The following EDA variants were observed in gnomAD, a reference collection of about 807,000 sequenced individuals.
EDA encodes the protein ectodysplasin-A.
Under a neutral mutation model 23.6 loss-of-function variants are expected in EDA, and 2 were observed. The observed-to-expected ratio is 0.08, with a 90% CI of 0.03 to 0.27. The LOEUF is 0.27. EDA is among the 10% of genes least tolerant of loss of function. EDA has a pLI of 1.00. For missense variants in EDA, 229 were observed against 324.2 expected (o/e 0.71, Z 2.26); for synonymous variants, 131 against 132.0 (o/e 0.99, Z 0.05).
In EDA at chrX:69,697,235, C is replaced by T. The variant is rs188410759; in HGVS notation, c.396+80531C>T. On this transcript the variant is annotated intron_variant, in intron 1 of 7. Coordinates refer to ENST00000374552, the MANE Select transcript of EDA (RefSeq NM_001399.5). ...GTGTCTCAGTCTGATGTAACTGCTA[C>T]GCGGTACCCTGACGGCCTCTCTCTC... 4.8e-3 allele frequency among the ~76,000 whole-genome samples: 531 copies of T among 111,617 alleles called. 5 individuals are homozygous for T. Among genetic ancestry groups the T allele is most frequent in the Middle Eastern group, 9.2e-3 (2 of 218 alleles).
chrX:69,823,858 T>C (rs1474129761), intron 1 of EDA, among the ~76,000 whole-genome samples: 5 of 89,734 alleles, frequency 5.6e-5, no homozygotes, highest in African/African-American at 2.2e-4. Flanking sequence ...TTAATCCATC[T>C]TGAATTGATT....
In EDA at chrX:69,982,521, T is replaced by G. The variant is rs368909184; in HGVS notation, c.502+25389T>G. On this transcript the variant is annotated intron_variant, in intron 2 of 7. Coordinates refer to ENST00000374552, the MANE Select transcript of EDA (RefSeq NM_001399.5). ...CTCTTCAAGTTTCCTTAGACTCTCT[T>G]TTACTATGGTTTATTCCCTAAATTA... 5.1e-3 allele frequency among the ~76,000 whole-genome samples: 571 copies of G among 111,751 alleles called. 1 individual carries two copies. The highest frequency in any genetic ancestry group is 0.018 in the Middle Eastern group (4 of 218).
chrX:70,035,310 CCT>C, intron 7 of EDA, 46 bp from the exon 8 acceptor site: 1 of 1,189,094 alleles, frequency 8.4e-7, no homozygotes, highest in East Asian at 3.0e-5. Context: ...GGCCCCCCAC[CCT>C]CTCTTTCCTC....
chrX:69,933,162 T>G (rs2018623683), intron 1 of EDA, among the ~76,000 whole-genome samples: 1 of 111,821 alleles, frequency 8.9e-6, no homozygotes, highest in Non-Finnish European at 1.9e-5. Context: ...ATTAACTATC[T>G]CTATAATTAA....
intron 2 of EDA, among the ~76,000 whole-genome samples, chrX:69,996,267 C>A (rs2147470960): frequency 8.9e-6 from 1 of 112,044 alleles, no homozygotes; most frequent in East Asian, 2.8e-4. Context: ...GAATGGCATC[C>A]TGTACTCTCT....
intron 2 of EDA, among the ~76,000 whole-genome samples, chrX:69,968,425 T>G (rs1218092793): frequency 8.9e-6 from 1 of 111,995 alleles, no homozygotes; most frequent in Non-Finnish European, 1.9e-5. Flanking sequence ...CTAGGTTTGC[T>G]GGCTTTCCTC....
chrX:69,798,059 A>G (rs2015584976), intron 1 of EDA, among the ~76,000 whole-genome samples: 1 of 111,736 alleles, frequency 8.9e-6, no homozygotes. Context: ...TAAGTCAAAA[A>G]CAGTAAAAAA....
At chrX:69,997,927 G>T (rs1476202429) in intron 2 of EDA, among the ~76,000 whole-genome samples, 1 of 112,634 alleles carries the variant, frequency 8.9e-6, no homozygotes, top group Non-Finnish European at 1.9e-5. Flanking sequence ...GAAGATGTAT[G>T]GAAATGCCTG....
chrX:69,881,789 A>G (rs1305593892), intron 1 of EDA, among the ~76,000 whole-genome samples: 1 of 111,915 alleles, frequency 8.9e-6, no homozygotes, highest in Non-Finnish European at 1.9e-5. Context: ...AGGCCTCAGG[A>G]AGCTTTTACT....
intron 1 of EDA, among the ~76,000 whole-genome samples, chrX:69,693,390 C>T (rs1177953746): frequency 1.8e-5 from 2 of 111,536 alleles, no homozygotes; most frequent in Non-Finnish European, 3.8e-5. Flanking sequence ...GACCTAATTA[C>T]ATACTATACT....
At chrX:69,988,147 A>G (rs1207191170) in intron 2 of EDA, among the ~76,000 whole-genome samples, 4 of 112,111 alleles carry the variant, frequency 3.6e-5, no homozygotes, top group Non-Finnish European at 5.6e-5. Flanking sequence ...TAAGCCAGGC[A>G]CAGAAAGACA....
intron 1 of EDA, among the ~76,000 whole-genome samples, chrX:69,896,103 G>C (rs2018010744): frequency 2.7e-5 from 3 of 110,922 alleles, no homozygotes. Context: ...CCACTGTCTT[G>C]CTGCCTCTTT....
chrX:69,722,082 G>T lies in EDA; in HGVS notation c.396+105378G>T, dbSNP rs759295853. On this transcript the variant is annotated intron_variant, in intron 1 of 7. Coordinates refer to ENST00000374552, the MANE Select transcript of EDA (RefSeq NM_001399.5). ...GAAATCTTAGTGTAAGATCTTTCCA[G>T]TATCCTGGAACTTATCCTAGGACGA... Among the ~76,000 whole-genome samples the T allele has an allele frequency of 8.0e-5, 9 of 112,058 alleles. No individual in the cohort carries two copies. In the South Asian group the frequency reaches 3.0e-3, roughly 37 times the overall value.
At chrX:69,674,364 G>A (rs910190069) in intron 1 of EDA, among the ~76,000 whole-genome samples, 3 of 111,441 alleles carry the variant, frequency 2.7e-5, no homozygotes, top group African/African-American at 6.5e-5. Context: ...TTTTAAATTT[G>A]TATTTTGATT....
At chrX:69,827,003 T>G (rs2147530516) in intron 1 of EDA, among the ~76,000 whole-genome samples, 1 of 112,639 alleles carries the variant, frequency 8.9e-6, no homozygotes, top group South Asian at 3.7e-4. Flanking sequence ...AAAATTCTTT[T>G]CTTTAGGAAT....
intron 1 of EDA, among the ~76,000 whole-genome samples, chrX:69,812,904 A>C (rs142621939): frequency 2.9e-4 from 32 of 111,587 alleles, no homozygotes; most frequent in African/African-American, 9.4e-4. Context: ...ACTGTATTTG[A>C]TGCGTTTCTA....
intron 2 of EDA, among the ~76,000 whole-genome samples, chrX:70,000,718 C>T (rs950986851): frequency 3.6e-5 from 4 of 112,051 alleles, no homozygotes; most frequent in African/African-American, 1.3e-4. Flanking sequence ...CTTGTATAAA[C>T]CTCATAACAA....
intron 1 of EDA, among the ~76,000 whole-genome samples, chrX:69,782,923 T>A (rs1165141996): frequency 8.9e-6 from 1 of 112,061 alleles, no homozygotes; most frequent in Non-Finnish European, 1.9e-5. Flanking sequence ...ACTGCAGGAT[T>A]ACTACTTGTA....
chrX:69,778,658 A>G (rs932896258), intron 1 of EDA, among the ~76,000 whole-genome samples: 11 of 111,684 alleles, frequency 9.8e-5, no homozygotes, highest in Non-Finnish European at 2.1e-4. Context: ...TGGTTTATAC[A>G]TAGCATAAGA....
Sources: allele counts gnomAD v4.1 joint callset (sites outside exome capture counted in the v4.1 genomes callset), GRCh38; gene constraint gnomAD v4.1.1; transcripts MANE v1.5; gene names NCBI Gene and HGNC (gene_info 2026-07-23, HGNC 2026-07-21).